Variants in GRID1 observed in about 807,000 individuals in gnomAD.
GRID1 encodes glutamate receptor ionotropic, delta-1.
GRID1 carries 28 observed loss-of-function variants against 98.0 expected under a neutral mutation model. That is an observed-to-expected ratio of 0.29 (90% CI 0.21 to 0.39). The LOEUF (loss-of-function observed/expected upper bound fraction) is 0.39. GRID1 is among the 10% of genes least tolerant of loss of function. The pLI is 1.00. For missense variants in GRID1, 1,111 were observed against 1,340.5 expected (o/e 0.83, Z 2.67); for synonymous variants, 553 against 538.5 (o/e 1.03, Z -0.37).
intron 3 of GRID1, among the ~76,000 whole-genome samples, chr10:86,189,731 C>T (rs116605760): frequency 0.013 from 2,015 of 152,240 alleles, 50 homozygotes; most frequent in African/African-American, 0.046. Flanking sequence ...GGCCTCTACC[C>T]ACTGAGGCCA....
chr10:86,277,403 G>T (rs1847288400), intron 2 of GRID1, among the ~76,000 whole-genome samples: 1 of 152,108 alleles, frequency 6.6e-6, no homozygotes, highest in Non-Finnish European at 1.5e-5. Context: ...TAAATGCAAA[G>T]GTAACTACAC....
Position 86,138,890 on chromosome 10 carries a change from G to A in GRID1, c.655C>T (p.Arg219Cys), listed in dbSNP as rs2131972057. Residue 219 changes from arginine (R) to cysteine (C), a missense_variant, in exon 4 of 16, where the codon CGC (arginine) becomes TGC (cysteine). This residue lies in a region of GRID1 where 346 missense variants were observed against 452.3 expected (regional missense o/e 0.76). Transcript: ENST00000327946. Reference sequence around the variant, plus strand: ...GCGCGGCGAAGCGTGTCCCGGTAGCGATTCAGCTCCTCTGTCTTCATCGTG... The same window carrying A: ...GCGCGGCGAAGCGTGTCCCGGTAGCAATTCAGCTCCTCTGTCTTCATCGTG... ...FTTMKTEELN[R>C]YRDTLRRAIL... The A allele has an allele frequency of 5.0e-6, 8 of 1,614,188 alleles. No homozygotes were observed. Among genetic ancestry groups the A allele is most frequent in the Non-Finnish European group, 5.9e-6 (7 of 1,179,990 alleles).
At chr10:86,194,931 T>C (rs907675984) in intron 3 of GRID1, among the ~76,000 whole-genome samples, 1 of 152,022 alleles carries the variant, frequency 6.6e-6, no homozygotes, top group Non-Finnish European at 1.5e-5. Context: ...CATGCCTGCC[T>C]TGCTCTCCTC....
intron 8 of GRID1, among the ~76,000 whole-genome samples, chr10:85,813,765 T>G (rs964878896): frequency 1.3e-5 from 2 of 151,880 alleles, no homozygotes; most frequent in African/African-American, 4.8e-5. Flanking sequence ...TGTGTGCAAC[T>G]GAATGTTGAA....
At chr10:85,723,660 T>TC (rs560659476) in intron 11 of GRID1, among the ~76,000 whole-genome samples, 44 of 152,178 alleles carry the variant, frequency 2.9e-4, no homozygotes, top group Non-Finnish European at 6.2e-4. Flanking sequence ...TGGCTTTTCT[T>TC]CCCCCAGAAT....
intron 4 of GRID1, among the ~76,000 whole-genome samples, chr10:86,022,072 T>C (rs1843057041): frequency 1.3e-5 from 2 of 152,254 alleles, no homozygotes; most frequent in Admixed American, 6.5e-5. Context: ...TATTATCATT[T>C]CAACATGTAA....
At chr10:85,936,777 T>G (rs1342161753) in intron 4 of GRID1, among the ~76,000 whole-genome samples, 1 of 152,268 alleles carries the variant, frequency 6.6e-6, no homozygotes, top group Non-Finnish European at 1.5e-5. Flanking sequence ...TGAGTTATTT[T>G]GATGTTCAAT....
intron 4 of GRID1, among the ~76,000 whole-genome samples, chr10:85,936,495 T>C (rs905827588): frequency 2.7e-5 from 4 of 149,614 alleles, no homozygotes; most frequent in Non-Finnish European, 5.9e-5. Context: ...ATGTGATAAA[T>C]GCCTTCTAAA....
chr10:85,828,772 C>T (rs761133709), intron 8 of GRID1, among the ~76,000 whole-genome samples: 28 of 152,004 alleles, frequency 1.8e-4, no homozygotes, highest in Non-Finnish European at 3.8e-4. Flanking sequence ...TAATGGAATC[C>T]TTGAACAGAC....
At chr10:85,799,973 T>C (rs1023941029) in intron 8 of GRID1, among the ~76,000 whole-genome samples, 8 of 152,096 alleles carry the variant, frequency 5.3e-5, no homozygotes, top group Non-Finnish European at 1.2e-4. Context: ...CATCACACTG[T>C]ACCCTATAAA....
intron 8 of GRID1, among the ~76,000 whole-genome samples, chr10:85,737,570 G>A (rs1841895562): frequency 6.7e-6 from 1 of 149,738 alleles, no homozygotes; most frequent in African/African-American, 2.5e-5. Context: ...CAAGGATGGA[G>A]GCAGGCAGTT....
In GRID1 at chr10:86,348,287, A is replaced by T. The variant is rs866954994; in HGVS notation, c.235+15654T>A. 5.3e-5 allele frequency among the ~76,000 whole-genome samples: 8 copies of T among 152,358 alleles called. No individual in the cohort carries two copies. In the South Asian group the frequency reaches 1.7e-3, roughly 32 times the overall value. ...TGGTGCTCACAGACTTCAAAGGTGC[A>T]TGTAGAAGCCAGACACCAAAGATAC... On this transcript the variant is annotated intron_variant, in intron 2 of 15. Transcript: ENST00000327946.
chr10:85,782,987 A>T (rs955336295), intron 8 of GRID1, among the ~76,000 whole-genome samples: 1 of 152,194 alleles, frequency 6.6e-6, no homozygotes, highest in Non-Finnish European at 1.5e-5. Flanking sequence ...AGAAATGCCT[A>T]AAAAGATGAT....
chr10:85,729,620 A>G lies in GRID1; in HGVS notation c.1234-6T>C, dbSNP rs1406427678. On this transcript the variant is annotated splice_polypyrimidine_tract_variant and splice_region_variant and intron_variant, in intron 8 of 15. Transcript: ENST00000327946. ...TCTGAGTCCCATGTCGCCAACTGTG[A>G]AGGAAAAATAAAGATTGTGAGGGAT... The G allele has an allele frequency of 1.3e-6, 2 of 1,592,488 alleles. No homozygotes were observed. Among genetic ancestry groups the G allele is most frequent in the East Asian group, 2.2e-5 (1 of 44,732 alleles).
chr10:86,156,282 A>G (rs1440185422), intron 3 of GRID1, among the ~76,000 whole-genome samples: 2 of 152,186 alleles, frequency 1.3e-5, no homozygotes, highest in Admixed American at 6.5e-5. Flanking sequence ...ATCCGATTTT[A>G]TAGCTCTAGT....
At chr10:86,251,258 CAT>C (rs561867625) in intron 2 of GRID1, among the ~76,000 whole-genome samples, 136 of 151,776 alleles carry the variant, frequency 9.0e-4, no homozygotes, top group African/African-American at 3.2e-3. Flanking sequence ...CCTTTCTTCA[CAT>C]GTTTATCTTC....
At chr10:85,818,670 G>A (rs1342589810) in intron 8 of GRID1, among the ~76,000 whole-genome samples, 1 of 152,074 alleles carries the variant, frequency 6.6e-6, no homozygotes, top group African/African-American at 2.4e-5. Context: ...AAGGAGATAG[G>A]AGGCTACTTG....
At chr10:86,239,366 A>G (rs1451400740) in intron 2 of GRID1, among the ~76,000 whole-genome samples, 1 of 152,214 alleles carries the variant, frequency 6.6e-6, no homozygotes, top group Non-Finnish European at 1.5e-5. Context: ...CATAGGCAGA[A>G]GGTACTTGCC....
At chr10:85,620,474 T>C (rs1220254174) in intron 13 of GRID1, among the ~76,000 whole-genome samples, 1 of 152,202 alleles carries the variant, frequency 6.6e-6, no homozygotes, top group East Asian at 1.9e-4. Context: ...CTGTGGCATA[T>C]CTTACCCACT....
Sources: gnomAD v4.1 joint callset for allele counts (sites outside exome capture counted in the v4.1 genomes callset) on GRCh38, gnomAD v4.1.1 for gene constraint, gnomAD v4.1.1 regional missense constraint, MANE v1.5 for transcripts, NCBI Gene and HGNC (gene_info 2026-07-23, HGNC 2026-07-21) for gene names.